Variants in MCOLN2 observed in about 807,000 individuals in gnomAD.
MCOLN2 encodes the protein mucolipin-2.
MCOLN2 carries 57 observed loss-of-function variants against 67.5 expected under a neutral mutation model. That is an observed-to-expected ratio of 0.84 (90% CI 0.68 to 1.05). MCOLN2 has a LOEUF of 1.05. Among genes scored for constraint, MCOLN2 ranks in the 50% least tolerant of loss-of-function variants. MCOLN2 has a pLI of 0.00. For missense variants in MCOLN2, 620 were observed against 678.8 expected, an observed-to-expected ratio of 0.91 and a Z score of 0.96; for synonymous variants, 246 against 233.3, an observed-to-expected ratio of 1.05 and a Z score of -0.50.
chr1:84,992,248 C>G (rs183955169), intron 1 of MCOLN2, among the ~76,000 whole-genome samples: 21 of 152,250 alleles, frequency 1.4e-4, no homozygotes, highest in Middle Eastern at 3.4e-3. Flanking sequence ...CAATTATTGC[C>G]TCGCAGATGT....
At chr1:84,937,549 T>C (rs1647496691) in intron 11 of MCOLN2, 3 of 1,305,480 alleles carry the variant, frequency 2.3e-6, no homozygotes, top group South Asian at 4.8e-5. Context: ...TGCTTTCTAG[T>C]ATTGTACAGT....
intron 1 of MCOLN2, among the ~76,000 whole-genome samples, chr1:84,986,568 G>A (rs1250245675): frequency 1.4e-5 from 2 of 143,682 alleles, no homozygotes; most frequent in African/African-American, 5.1e-5. Flanking sequence ...AAAAGCTTCT[G>A]CACAGCAAAA....
At position 84,926,553 on chromosome 1, in the gene MCOLN2, C is replaced by G. The variant is rs1421083042; in HGVS notation, c.*132G>C. 4 of 538,392 alleles carry G rather than the reference C, an allele frequency of 7.4e-6. No individual in the cohort carries two copies. The highest frequency in any genetic ancestry group is 1.3e-5 in the Non-Finnish European group (4 of 311,150). 33.4% of individuals were successfully genotyped at this position (538,392 alleles called of 1,614,324 possible). A position where few individuals can be genotyped will look rare whatever the true frequency, so the allele number is the denominator to read the frequency against. On this transcript the variant is annotated 3_prime_UTR_variant, in exon 14 of 14. Coordinates refer to ENST00000370608, the MANE Select transcript of MCOLN2 (RefSeq NM_153259.4). ...ACTTCAGTCATGGTCAGCTGGCTAA[C>G]TGTGAGTCCTCTTTCCCACTCCACA... is the stretch of plus-strand genomic sequence containing the variant.
intron 13 of MCOLN2, 136 bp downstream of exon 13, chr1:84,929,422 G>T: frequency 1.0e-6 from 1 of 1,000,070 alleles, no homozygotes; most frequent in Non-Finnish European, 1.4e-6. Context: ...AATTTCAGTG[G>T]GAGGAAAGAA....
At position 84,953,567 on chromosome 1, in the gene MCOLN2, AAT is replaced by A. The variant is rs200030682; in HGVS notation, c.566-1039_566-1038del. On this transcript the variant is annotated intron_variant, in intron 4 of 13. Transcript: ENST00000370608. Reference sequence around the variant, plus strand: ...CTCTATCTCAAAAAAAAAAAAAAAAAATGTTAGTATTGGGGAAATCTGGATGA... The same window carrying A: ...CTCTATCTCAAAAAAAAAAAAAAAAAGTTAGTATTGGGGAAATCTGGATGA... 8.0e-5 allele frequency among the ~76,000 whole-genome samples: 12 copies of A among 149,826 alleles called. No homozygotes were observed. The South Asian group carries it at 8.3e-4, about 10-fold the overall frequency.
chr1:84,952,541 G>A lies in MCOLN2; in HGVS notation c.566-11C>T. On this transcript the variant is annotated splice_polypyrimidine_tract_variant and intron_variant, in intron 4 of 13. Coordinates refer to ENST00000370608, the MANE Select transcript of MCOLN2 (RefSeq NM_153259.4). Reference sequence around the variant, plus strand: ...CTAATTGAACACAATCTAGGGCAATGAAAGAACAAGAAATGGTTGTTTCAG... The same window carrying A: ...CTAATTGAACACAATCTAGGGCAATAAAAGAACAAGAAATGGTTGTTTCAG... 1 of 1,567,598 alleles carries A rather than the reference G, an allele frequency of 6.4e-7. No homozygotes were observed. Among genetic ancestry groups the A allele is most frequent in the South Asian group, 1.1e-5 (1 of 89,894 alleles).
chr1:84,941,007 G>C lies in MCOLN2; in HGVS notation c.848-16C>G. 6.5e-7 allele frequency: 1 copy of C among 1,533,952 alleles called. No individual in the cohort carries two copies. Among genetic ancestry groups the C allele is most frequent in the African/African-American group, 1.4e-5 (1 of 73,190 alleles). On this transcript the variant is annotated splice_polypyrimidine_tract_variant and intron_variant, in intron 7 of 13. Coordinates refer to ENST00000370608, the MANE Select transcript of MCOLN2 (RefSeq NM_153259.4). Reference sequence around the variant, plus strand: ...TTTTTCTGAGCTGAGGAATAAAACAGAATTCAAATGTTAAACACACCTTAC... The same window carrying C: ...TTTTTCTGAGCTGAGGAATAAAACACAATTCAAATGTTAAACACACCTTAC...
chr1:84,984,400 T>C (rs1162825898), intron 1 of MCOLN2, among the ~76,000 whole-genome samples: 1 of 151,964 alleles, frequency 6.6e-6, no homozygotes, highest in Non-Finnish European at 1.5e-5. Context: ...TCAATGCTTT[T>C]GCACAATCCT....
chr1:84,951,580 G>C (rs12239332), intron 6 of MCOLN2, among the ~76,000 whole-genome samples: 1 of 152,286 alleles, frequency 6.6e-6, no homozygotes, highest in East Asian at 1.9e-4. Flanking sequence ...TATAACATTT[G>C]CAAAGACCTT....
intron 13 of MCOLN2, among the ~76,000 whole-genome samples, chr1:84,927,347 T>C (rs149594696): frequency 6.6e-6 from 1 of 152,180 alleles, no homozygotes; most frequent in Non-Finnish European, 1.5e-5. Flanking sequence ...ATTTTCCTCC[T>C]TCACTGCAAT....
intron 6 of MCOLN2, among the ~76,000 whole-genome samples, chr1:84,948,657 T>C (rs1334334189): frequency 6.6e-6 from 1 of 152,184 alleles, no homozygotes. Context: ...CAGTGAGATA[T>C]AAAAGAATAC....
chr1:84,952,169 GT>G, intron 6 of MCOLN2, 73 bp downstream of exon 6: 1 of 970,378 alleles, frequency 1.0e-6, no homozygotes. Flanking sequence ...AGGCTGCTGT[GT>G]TTTATACTCT....
Position 84,958,634 on chromosome 1 carries a change from CT to C in MCOLN2, c.305del (p.Lys102SerfsTer5). 6.2e-7 allele frequency: 1 copy of C among 1,611,362 alleles called. No individual in the cohort carries two copies. The highest frequency in any genetic ancestry group is 1.1e-5 in the South Asian group (1 of 90,464). On this transcript the variant is annotated frameshift_variant, in exon 3 of 14. Transcript: ENST00000370608. LOFTEE classifies it high-confidence loss of function. Reference sequence around the variant, plus strand: ...CAGAATATCCTTTCAAAAACAAGTGCTTAAAAGCAACAGTGTTATCTTCTTT... The same window carrying C: ...CAGAATATCCTTTCAAAAACAAGTGCTAAAAGCAACAGTGTTATCTTCTTT... ...AFKEDNTVAF[K>X]HLFLKGYSGT...
intron 12 of MCOLN2, 93 bp downstream of exon 12, chr1:84,931,269 G>A: frequency 1.2e-6 from 1 of 840,482 alleles, no homozygotes; most frequent in Non-Finnish European, 1.9e-6. Flanking sequence ...AATCTGAACT[G>A]TAATATTTTA....
At chr1:84,956,864 C>T (rs1570989840) in intron 3 of MCOLN2, among the ~76,000 whole-genome samples, 1 of 152,214 alleles carries the variant, frequency 6.6e-6, no homozygotes, top group African/African-American at 2.4e-5. Context: ...ACTCCAGTCC[C>T]TTGGCTCCAA....
intron 7 of MCOLN2, among the ~76,000 whole-genome samples, chr1:84,941,415 T>C (rs1306174775): frequency 1.3e-5 from 2 of 152,196 alleles, no homozygotes; most frequent in Non-Finnish European, 2.9e-5. Flanking sequence ...AAGAATGGCA[T>C]GAAGCCGGGA....
At chr1:84,968,931 G>A (rs1649517168) in intron 1 of MCOLN2, among the ~76,000 whole-genome samples, 1 of 152,202 alleles carries the variant, frequency 6.6e-6, no homozygotes, top group Non-Finnish European at 1.5e-5. Context: ...TTTCCCTCAT[G>A]CAGTCTATTA....
At chr1:84,975,133 C>T (rs1305784248) in intron 1 of MCOLN2, among the ~76,000 whole-genome samples, 1 of 152,218 alleles carries the variant, frequency 6.6e-6, no homozygotes, top group East Asian at 1.9e-4. Flanking sequence ...GAGGGAAGAA[C>T]ACAGGCCTGG....
chr1:84,993,565 A>T (rs896997248), intron 1 of MCOLN2, among the ~76,000 whole-genome samples: 4 of 151,964 alleles, frequency 2.6e-5, no homozygotes, highest in African/African-American at 9.7e-5. Flanking sequence ...TCATCAGAGG[A>T]ATAATTTTCG....
Sources: gnomAD v4.1 joint callset for allele counts (sites outside exome capture counted in the v4.1 genomes callset) on GRCh38, gnomAD v4.1.1 for gene constraint, MANE v1.5 for transcripts, NCBI Gene and HGNC (gene_info 2026-07-23, HGNC 2026-07-21) for gene names.